OSBPL1A: variants seen among roughly 807,000 people sequenced by gnomAD.
OSBPL1A encodes oxysterol binding protein like 1A.
A neutral mutation model predicts 137.1 loss-of-function variants in OSBPL1A; 80 were observed. The ratio of observed to expected loss-of-function variants is 0.58; its 90% CI spans 0.49 to 0.70. The LOEUF (loss-of-function observed/expected upper bound fraction) is 0.70. Ranked by LOEUF, OSBPL1A falls within the 30% of genes least tolerant of loss-of-function variation. OSBPL1A has a pLI of 0.00. For missense variants in OSBPL1A, 970 were observed against 1,129.4 expected (o/e 0.86, Z 2.02); for synonymous variants, 365 against 389.7 (o/e 0.94, Z 0.75).
At chr18:24,305,747 G>C (rs570173740) in intron 13 of OSBPL1A, among the ~76,000 whole-genome samples, 7 of 152,072 alleles carry the variant, frequency 4.6e-5, no homozygotes, top group African/African-American at 1.7e-4. Flanking sequence ...GGAGGAACCC[G>C]GTGGGAGGTA....
At chr18:24,214,508 C>A (rs901695088) in intron 17 of OSBPL1A, among the ~76,000 whole-genome samples, 3 of 152,166 alleles carry the variant, frequency 2.0e-5, no homozygotes, top group Non-Finnish European at 2.9e-5. Flanking sequence ...TCATAGAAAT[C>A]TCTTGGGCTC....
chr18:24,366,507 C>T (rs78052574), intron 4 of OSBPL1A: 2,701 of 155,574 alleles, frequency 0.017, 74 homozygotes, highest in African/African-American at 0.059. Flanking sequence ...TCTTTTTGTA[C>T]ATCTTTAGTG....
chr18:24,363,382 C>A lies in OSBPL1A; in HGVS notation c.282+3510G>T, dbSNP rs573610069. Among the ~76,000 whole-genome samples, 29 of 152,110 alleles carry A rather than the reference C, an allele frequency of 1.9e-4. No individual in the cohort carries two copies. In the South Asian group the frequency reaches 4.1e-3, roughly 22 times the overall value. On this transcript the variant is annotated intron_variant, in intron 4 of 27. Coordinates refer to ENST00000319481, the MANE Select transcript of OSBPL1A (RefSeq NM_080597.4). ...AGTTTCTAAGGCAGAAACACCGTAT[C>A]TCTCTGACGAATCTCTCATAAGCAC...
In OSBPL1A at chr18:24,271,173, G is replaced by C. The variant is rs2089708991; in HGVS notation, c.1281+9669C>G. 6.6e-6 allele frequency among the ~76,000 whole-genome samples: 1 copy of C among 152,180 alleles called. No homozygotes were observed. The highest frequency in any genetic ancestry group is 1.5e-5 in the Non-Finnish European group (1 of 68,042). ...CGCTCATGCACTTCTCGTATTCTTG[G>C]AATTTCAGCGGCCTCTGAAGAGCGG... On this transcript the variant is annotated intron_variant, in intron 15 of 27. Coordinates refer to ENST00000319481, the MANE Select transcript of OSBPL1A (RefSeq NM_080597.4). This position sits in a 1 kb window ranked among gnomAD's most constrained non-coding sequence, Gnocchi z 4.0.
intron 13 of OSBPL1A, among the ~76,000 whole-genome samples, chr18:24,309,720 G>A (rs73394315): frequency 0.025 from 3,808 of 152,162 alleles, 149 homozygotes; most frequent in African/African-American, 0.087. Context: ...TACCTATTTT[G>A]AACCAGTCTC....
At chr18:24,201,332 G>A (rs755331044) in intron 17 of OSBPL1A, among the ~76,000 whole-genome samples, 13 of 152,338 alleles carry the variant, frequency 8.5e-5, no homozygotes, top group Admixed American at 6.5e-4. Context: ...ATTGTAGGCA[G>A]ACCCCAAAGA....
intron 24 of OSBPL1A, among the ~76,000 whole-genome samples, 172 bp downstream of exon 24, chr18:24,170,155 C>A (rs1305427101): frequency 1.3e-5 from 2 of 151,984 alleles, no homozygotes. Flanking sequence ...CAAGGCTATG[C>A]CGAGTACTTG....
chr18:24,394,534 CT>C (rs1013906461), intron 1 of OSBPL1A, among the ~76,000 whole-genome samples: 8 of 152,074 alleles, frequency 5.3e-5, no homozygotes, highest in Non-Finnish European at 1.2e-4. Context: ...GCAGAGAACC[CT>C]ACAAATTTAA....
chr18:24,360,002 T>C (rs1013650420), intron 4 of OSBPL1A, among the ~76,000 whole-genome samples: 1 of 152,176 alleles, frequency 6.6e-6, no homozygotes, highest in Non-Finnish European at 1.5e-5. Context: ...AGTTTCGCTG[T>C]GGTCACCCAG....
chr18:24,240,035 T>C (rs1032514961), intron 15 of OSBPL1A, among the ~76,000 whole-genome samples: 3 of 150,118 alleles, frequency 2.0e-5, no homozygotes, highest in Admixed American at 6.8e-5. Flanking sequence ...GCTATTCTCA[T>C]GCCTCTGCCT....
rs935957510 is a variant in OSBPL1A, at chr18:24,271,593, G to A, written c.1281+9249C>T. On this transcript the variant is annotated intron_variant, in intron 15 of 27. Transcript: ENST00000319481. This position sits in a 1 kb window ranked among gnomAD's most constrained non-coding sequence, Gnocchi z 4.0. ...CCGTGGCCCCAGGCTGCCCCGCAAA[G>A]CCACCGAGCTGCAAATACACCCACC... 6.1e-6 allele frequency: 6 copies of A among 986,710 alleles called. No individual in the cohort carries two copies. In the Admixed American group the frequency reaches 2.5e-4, roughly 40 times the overall value. The allele number at this position is 986,710 out of a possible 1,614,324, so 61.1% of individuals were successfully genotyped here.
rs908410715 is a variant in OSBPL1A, at chr18:24,165,214, G to A, written c.2660-59C>T. 14 of 1,432,930 alleles carry A rather than the reference G, an allele frequency of 9.8e-6. No individual in the cohort carries two copies. The African/African-American group carries it at 1.6e-4, about 16-fold the overall frequency. 88.8% of individuals were successfully genotyped at this position (1,432,930 alleles called of 1,614,324 possible). On this transcript the variant is annotated intron_variant, in intron 26 of 27. Transcript: ENST00000319481. ...CTCTACACAGAGGATGCCAGGCACA[G>A]TATTAAGCACAAGAACTTCACAAAA...
intron 1 of OSBPL1A, among the ~76,000 whole-genome samples, chr18:24,387,336 T>C (rs1483117676): frequency 6.6e-6 from 1 of 152,088 alleles, no homozygotes; most frequent in Non-Finnish European, 1.5e-5. Flanking sequence ...ATTACAGGCA[T>C]GAGCCACCAT....
At chr18:24,351,088 T>C (rs1280450833) in intron 4 of OSBPL1A, among the ~76,000 whole-genome samples, 1 of 151,878 alleles carries the variant, frequency 6.6e-6, no homozygotes, top group Non-Finnish European at 1.5e-5. Flanking sequence ...TGGCTCACAC[T>C]TGTAATCCCA....
Position 24,179,755 on chromosome 18 carries a change from C to G in OSBPL1A, c.1893G>C (p.Glu631Asp), listed in dbSNP as rs2086549795. 1 of 1,614,150 alleles carries G rather than the reference C, an allele frequency of 6.2e-7. No individual in the cohort carries two copies. Among genetic ancestry groups the G allele is most frequent in the Non-Finnish European group, 8.5e-7 (1 of 1,180,000 alleles). Residue 631 changes from glutamate (E) to aspartate (D), a missense_variant, in exon 20 of 28, where the codon GAG becomes GAC. By Grantham distance (45) the Glu-to-Asp change is conservative (BLOSUM62 2). Coordinates refer to ENST00000319481, the MANE Select transcript of OSBPL1A (RefSeq NM_080597.4). ...GGCCTCACCGCACTAATTCATAAGT[C>G]TCTCCCAGCAGTGGGTTGAAAGGTT... is the stretch of plus-strand genomic sequence containing the variant. ...TGKPFNPLLG[E>D]TYELVRDDLG... is the part of the protein sequence containing the mutation.
At chr18:24,258,066 A>G (rs559135275) in intron 15 of OSBPL1A, among the ~76,000 whole-genome samples, 1 of 152,354 alleles carries the variant, frequency 6.6e-6, no homozygotes, top group African/African-American at 2.4e-5. Flanking sequence ...GAGGTTTCTC[A>G]AAAAACTAAA....
chr18:24,266,119 T>C lies in OSBPL1A; in HGVS notation c.1281+14723A>G, dbSNP rs550421243. ...AAAAGAACGTGAGCCTTGGAGTAAG[T>C]TGCCCAGAGTCAAAGAGCAAGAAAA... On this transcript the variant is annotated intron_variant, in intron 15 of 27. Coordinates refer to ENST00000319481, the MANE Select transcript of OSBPL1A (RefSeq NM_080597.4). Among the ~76,000 whole-genome samples the C allele has an allele frequency of 7.2e-5, 11 of 152,306 alleles. No individual in the cohort carries two copies. The South Asian group carries it at 1.7e-3, about 23-fold the overall frequency.
At chr18:24,239,132 C>T in intron 16 of OSBPL1A, 88 bp downstream of exon 16, 1 of 1,497,170 alleles carries the variant, frequency 6.7e-7, no homozygotes, top group South Asian at 1.3e-5. Context: ...GACCTCTGCT[C>T]TAAGGTGGTG....
chr18:24,395,396 G>A (rs1907664111), intron 1 of OSBPL1A, among the ~76,000 whole-genome samples: 1 of 152,060 alleles, frequency 6.6e-6, no homozygotes, highest in African/African-American at 2.4e-5. Context: ...ATGTCAAGAG[G>A]TAAGAAACTG....
Sources: gnomAD v4.1 joint callset for allele counts (sites outside exome capture counted in the v4.1 genomes callset) on GRCh38, gnomAD v4.1.1 for gene constraint, Gnocchi (gnomAD v3.1) non-coding constraint, MANE v1.5 for transcripts, NCBI Gene and HGNC (gene_info 2026-07-23, HGNC 2026-07-21) for gene names.